The following INPP4B variants were observed in gnomAD, a reference collection of about 807,000 sequenced individuals.
INPP4B encodes inositol polyphosphate 4-phosphatase type II.
INPP4B carries 55 observed loss-of-function variants against 122.5 expected under a neutral mutation model. That is an observed-to-expected ratio of 0.45 (90% CI 0.36 to 0.56). The LOEUF is 0.56. Ranked by LOEUF, INPP4B falls within the 20% of genes least tolerant of loss-of-function variation. The pLI is 0.00. For synonymous variants in INPP4B, 403 were observed against 388.7 expected (o/e 1.04, Z -0.43); for missense variants, 1,000 against 1,097.7 (o/e 0.91, Z 1.26).
chr4:142,460,553 A>G (rs905595580), intron 3 of INPP4B, among the ~76,000 whole-genome samples: 2 of 152,134 alleles, frequency 1.3e-5, no homozygotes, highest in African/African-American at 4.8e-5. Context: ...TCCATTTTCA[A>G]TTAAGATTTC....
intron 24 of INPP4B, among the ~76,000 whole-genome samples, chr4:142,085,400 T>C (rs574733796): frequency 6.6e-6 from 1 of 152,334 alleles, no homozygotes; most frequent in South Asian, 2.1e-4. Context: ...ATCATAAAGA[T>C]CTTTAACATG....
chr4:142,420,046 C>T (rs1255034081), intron 5 of INPP4B, among the ~76,000 whole-genome samples: 1 of 151,756 alleles, frequency 6.6e-6, no homozygotes, highest in Non-Finnish European at 1.5e-5. Context: ...ATTAGGTAAA[C>T]CACAAAGAAG....
At chr4:142,182,885 T>G (rs1831515268) in intron 15 of INPP4B, among the ~76,000 whole-genome samples, 1 of 152,168 alleles carries the variant, frequency 6.6e-6, no homozygotes, top group Admixed American at 6.5e-5. Flanking sequence ...TATAATAGTC[T>G]AATTGTTTGC....
chr4:142,157,158 A>C (rs929499121), intron 17 of INPP4B, among the ~76,000 whole-genome samples: 12 of 152,158 alleles, frequency 7.9e-5, no homozygotes, highest in African/African-American at 2.9e-4. Context: ...TTTCTAATTC[A>C]TTTAATACCA....
chr4:142,154,877 A>G (rs1352072226), intron 17 of INPP4B, among the ~76,000 whole-genome samples: 1 of 152,028 alleles, frequency 6.6e-6, no homozygotes, highest in Non-Finnish European at 1.5e-5. Flanking sequence ...TTTTTTTCCT[A>G]TCAAAGCTTA....
At chr4:142,793,484 C>T (rs914287558) in intron 1 of INPP4B, among the ~76,000 whole-genome samples, 9 of 152,074 alleles carry the variant, frequency 5.9e-5, no homozygotes, top group Admixed American at 1.3e-4. Context: ...AAATGACATG[C>T]TTGTTGCAGC....
chr4:142,781,326 G>A lies in INPP4B; in HGVS notation c.-253-55425C>T, dbSNP rs143285047. ...GCTGATGAGTCATCTTTCAAGTGTC[G>A]ATCCTATTTCCATAGGGAGGGCTCA... On this transcript the variant is annotated intron_variant, in intron 1 of 25. Transcript: ENST00000262992. Among the ~76,000 whole-genome samples the A allele has an allele frequency of 7.0e-4, 106 of 152,236 alleles. No individual in the cohort carries two copies. In the Middle Eastern group the frequency reaches 0.017, roughly 24 times the overall value.
At chr4:142,480,875 C>T (rs1263519509) in intron 2 of INPP4B, among the ~76,000 whole-genome samples, 1 of 151,866 alleles carries the variant, frequency 6.6e-6, no homozygotes, top group Non-Finnish European at 1.5e-5. Flanking sequence ...GCACAAAAGT[C>T]ATATAGAAAA....
intron 15 of INPP4B, among the ~76,000 whole-genome samples, chr4:142,181,254 A>G (rs1021073984): frequency 6.6e-6 from 1 of 152,174 alleles, no homozygotes; most frequent in Non-Finnish European, 1.5e-5. Flanking sequence ...AGGGAAAAGG[A>G]TGGCACATTG....
At chr4:142,274,202 A>T (rs1431702677) in intron 9 of INPP4B, among the ~76,000 whole-genome samples, 1 of 151,894 alleles carries the variant, frequency 6.6e-6, no homozygotes, top group Non-Finnish European at 1.5e-5. Context: ...AATTCATCAC[A>T]TCTGCGTAGA....
In INPP4B at chr4:142,220,660, C is replaced by T. The variant is rs986032663; in HGVS notation, c.837-11634G>A. Among the ~76,000 whole-genome samples the T allele has an allele frequency of 2.0e-5, 3 of 152,132 alleles. 1 individual carries two copies. The highest frequency in any genetic ancestry group is 7.2e-5 in the African/African-American group (3 of 41,422). ...TAGCTTTGGAGCCTGTTTTAGTTTG[C>T]TAAGACTGCCATAAGAAAATATCAT... On this transcript the variant is annotated intron_variant, in intron 12 of 25. Coordinates refer to ENST00000262992, the MANE Select transcript of INPP4B (RefSeq NM_001101669.3).
rs79631385 is a variant in INPP4B at position 142,644,599 on chromosome 4, A to G, written c.-191+81240T>C. On this transcript the variant is annotated intron_variant, in intron 2 of 25. Coordinates refer to ENST00000262992, the MANE Select transcript of INPP4B (RefSeq NM_001101669.3). ...AAATTTTTATTCATTCTGTGACTGA[A>G]TTTAAAGAGCAAAGAGGACAGGTGC... 7.9e-3 allele frequency among the ~76,000 whole-genome samples: 1,207 copies of G among 151,916 alleles called. 12 individuals are homozygous for G. The highest frequency in any genetic ancestry group is 0.026 in the African/African-American group (1,062 of 41,428).
chr4:142,733,544 CTT>C (rs1766397846), intron 1 of INPP4B, among the ~76,000 whole-genome samples: 1 of 151,960 alleles, frequency 6.6e-6, no homozygotes, highest in South Asian at 2.1e-4. Flanking sequence ...CTTTATTAGT[CTT>C]TTGGAATGCA....
intron 21 of INPP4B, among the ~76,000 whole-genome samples, chr4:142,119,849 G>A (rs540006983): frequency 6.8e-6 from 1 of 147,168 alleles, no homozygotes; most frequent in Non-Finnish European, 1.5e-5. Flanking sequence ...ACATATATAC[G>A]TATATATGAG....
intron 2 of INPP4B, among the ~76,000 whole-genome samples, chr4:142,704,720 G>A (rs142669473): frequency 7.9e-5 from 12 of 152,140 alleles, no homozygotes; most frequent in Middle Eastern, 3.4e-3. Context: ...CTATTGCCAC[G>A]TAAACATGCT....
At chr4:142,396,093 G>A (rs1799265889) in intron 7 of INPP4B, among the ~76,000 whole-genome samples, 2 of 151,766 alleles carry the variant, frequency 1.3e-5, no homozygotes, top group South Asian at 2.1e-4. Context: ...GATTAACCAT[G>A]AATGCAAAAA....
intron 7 of INPP4B, among the ~76,000 whole-genome samples, chr4:142,357,385 G>A (rs1209177618): frequency 6.6e-6 from 1 of 151,980 alleles, no homozygotes; most frequent in Non-Finnish European, 1.5e-5. Context: ...ATGTCCACAG[G>A]GATTGGGAGA....
At chr4:142,198,865 T>A (rs1839516787) in intron 14 of INPP4B, among the ~76,000 whole-genome samples, 1 of 152,102 alleles carries the variant, frequency 6.6e-6, no homozygotes. Flanking sequence ...CTCCTAAGGC[T>A]CTTCCCATTA....
chr4:142,377,072 G>A (rs564834507), intron 7 of INPP4B, among the ~76,000 whole-genome samples: 4 of 151,790 alleles, frequency 2.6e-5, no homozygotes, highest in Admixed American at 6.6e-5. Context: ...TTAAGTAATG[G>A]CACTTAAGCC....
Sources: gnomAD v4.1 joint callset for allele counts (sites outside exome capture counted in the v4.1 genomes callset) on GRCh38, gnomAD v4.1.1 for gene constraint, MANE v1.5 for transcripts, NCBI Gene and HGNC (gene_info 2026-07-23, HGNC 2026-07-21) for gene names.